The following RAB11B variants were observed in gnomAD, a reference collection of about 807,000 sequenced individuals.
RAB11B encodes ras-related protein Rab-11B.
RAB11B carries 7 observed loss-of-function variants against 23.7 expected under a neutral mutation model. The observed-to-expected ratio is 0.29, with a 90% CI of 0.17 to 0.55. RAB11B has a LOEUF of 0.55. Ranked by LOEUF, RAB11B falls within the 20% of genes least tolerant of loss-of-function variation. The pLI is 0.93. For synonymous variants in RAB11B, 138 were observed against 132.0 expected (o/e 1.05, Z -0.31); for missense variants, 189 against 320.0 (o/e 0.59, Z 3.12).
intron 1 of RAB11B, among the ~76,000 whole-genome samples, chr19:8,398,624 C>T (rs1193530228): frequency 6.6e-6 from 1 of 152,294 alleles, no homozygotes; most frequent in East Asian, 1.9e-4. Flanking sequence ...TGTGCCGAAG[C>T]TGGATGTGGG....
intron 1 of RAB11B, 144 bp from the exon 2 acceptor site, chr19:8,399,719 C>CAGGCACTGTGCTAAGTGGTGCAGAAGTGA: frequency 1.1e-6 from 1 of 880,042 alleles, no homozygotes; most frequent in Non-Finnish European, 1.8e-6. Flanking sequence ...ACAGTGCCTG[C>CAGGCACTGTGCTAAGTGGTGCAGAAGTGA]AGGCCCTGGG....
chr19:8,401,135 C>A (rs2145512396), intron 2 of RAB11B, among the ~76,000 whole-genome samples: 1 of 152,256 alleles, frequency 6.6e-6, no homozygotes, highest in South Asian at 2.1e-4. Flanking sequence ...GGCTGGAGTG[C>A]AGTGGCGCAG....
chr19:8,392,991 AT>A (rs34749882), intron 1 of RAB11B, among the ~76,000 whole-genome samples: 94,388 of 130,504 alleles, frequency 0.72, 33,942 homozygotes, highest in Non-Finnish European at 0.77. Flanking sequence ...TGGCCTCTGC[AT>A]TTTTTTTTTT....
rs141861102 is a variant in RAB11B, at chr19:8,396,663, G to GT, written c.41-3198dup. The stretch of plus-strand genomic sequence containing the variant: ...CCTGAGGCAGGATCGCACCTGGCGT[G>GT]TTGGGGGAACAGCATGGAGGCCTGT... On this transcript the variant is annotated intron_variant, in intron 1 of 4. Transcript: ENST00000328024. This position sits in a 1 kb window ranked among gnomAD's most constrained non-coding sequence, Gnocchi z 5.0. 8.7e-5 allele frequency among the ~76,000 whole-genome samples: 13 copies of GT among 149,362 alleles called. No individual in the cohort carries two copies. The East Asian group carries it at 2.6e-3, about 30-fold the overall frequency.
chr19:8,390,424 C>T lies in RAB11B; in HGVS notation c.8C>T (p.Thr3Ile). The change falls in exon 1 of 5, where the codon ACC becomes ATC. Residue 3 changes from threonine to isoleucine, a missense_variant. Around this residue, in one of 5 missense-constraint regions of RAB11B, gnomAD observed 20 missense variants for 16.2 expected, o/e 1.24. Coordinates refer to ENST00000328024, the MANE Select transcript of RAB11B (RefSeq NM_004218.4). MGTRDDEYDYLFK... is the reference protein window; with the variant it reads MGIRDDEYDYLFK... ...GCCGGAAGCGCCAGGACAATGGGGA[C>T]CCGGGACGACGAGTACGACTACCTA... 1 of 1,527,054 alleles carries T rather than the reference C, an allele frequency of 6.5e-7. No homozygotes were observed. Among genetic ancestry groups the T allele is most frequent in the Non-Finnish European group, 8.8e-7 (1 of 1,141,716 alleles). 94.6% of individuals were successfully genotyped at this position (1,527,054 alleles called of 1,614,324 possible).
chr19:8,392,452 C>T (rs945678363), intron 1 of RAB11B, among the ~76,000 whole-genome samples: 8 of 135,096 alleles, frequency 5.9e-5, no homozygotes, highest in South Asian at 2.7e-4. Context: ...GGCGGGCAGG[C>T]GGTGTGGGGT....
intron 1 of RAB11B, among the ~76,000 whole-genome samples, chr19:8,395,144 A>C (rs1480106487): frequency 6.6e-6 from 1 of 152,122 alleles, no homozygotes; most frequent in African/African-American, 2.4e-5. Flanking sequence ...TTGGTGGTGT[A>C]GATGGGGGCC....
At chr19:8,402,029 G>C in intron 2 of RAB11B, 57 bp from the exon 3 acceptor site, 1 of 1,491,310 alleles carries the variant, frequency 6.7e-7, no homozygotes, top group South Asian at 1.3e-5. Flanking sequence ...TATCCCGTGA[G>C]GCTGCCGCTG....
chr19:8,403,673 G>A lies in RAB11B; in HGVS notation c.*115G>A. ...CGGCTCGTTCCAGCCCTCCCAGTGA[G>A]CTCTGCACGGCCGGGCCGGGGCCCA... On this transcript the variant is annotated 3_prime_UTR_variant, in exon 5 of 5. Transcript: ENST00000328024. The A allele has an allele frequency of 7.1e-7, 1 of 1,413,358 alleles. No individual in the cohort carries two copies. The highest frequency in any genetic ancestry group is 9.5e-7 in the Non-Finnish European group (1 of 1,057,134). The allele number at this position is 1,413,358 out of a possible 1,614,324, so 87.6% of individuals were successfully genotyped here. A position where few individuals can be genotyped will look rare whatever the true frequency, so the allele number is the denominator to read the frequency against.
At chr19:8,401,853 A>C (rs1971440117) in intron 2 of RAB11B, among the ~76,000 whole-genome samples, 1 of 152,056 alleles carries the variant, frequency 6.6e-6, no homozygotes. Flanking sequence ...ACCTCACGGT[A>C]TCTTCTATTT....
In RAB11B at chr19:8,402,361, C is replaced by T. The variant is rs1307761967; in HGVS notation, c.430+82C>T. ...ACAGTGTTGGGGCCCTGGCCACAGC[C>T]CTGGCTTCCCTTCCCTGAGGAGTGG... On this transcript the variant is annotated intron_variant, in intron 3 of 4. Coordinates refer to ENST00000328024, the MANE Select transcript of RAB11B (RefSeq NM_004218.4). 5 of 1,527,766 alleles carry T rather than the reference C, an allele frequency of 3.3e-6. No homozygotes were observed. The African/African-American group carries it at 5.5e-5, about 17-fold the overall frequency. The allele number at this position is 1,527,766 out of a possible 1,614,324, so 94.6% of individuals were successfully genotyped here. A position where few individuals can be genotyped will look rare whatever the true frequency, so the allele number is the denominator to read the frequency against.
At position 8,402,137 on chromosome 19, in the gene RAB11B, C is replaced by T. The variant is rs1398791877; in HGVS notation, c.288C>T (p.His96=). The part of the protein sequence containing the change: ...GALLVYDIAK[H]LTYENVERWL... ...TGCTGGTGTACGACATCGCCAAGCA[C>T]CTGACCTATGAGAACGTGGAGCGCT... Residue 96 remains histidine, a synonymous_variant, in exon 3 of 5, where the codon CAC becomes CAT. Transcript: ENST00000328024. 1.9e-6 allele frequency: 3 copies of T among 1,609,220 alleles called. No individual in the cohort carries two copies. The highest frequency in any genetic ancestry group is 1.1e-5 in the South Asian group (1 of 89,996).
Position 8,390,460 on chromosome 19 carries a change from C to G in RAB11B, c.40+4C>G, listed in dbSNP as rs754480635. ...GAGTACGACTACCTATTCAAAGGTG[C>G]GGCCGGTGGGGCACAGACGGGCGAA... On this transcript the variant is annotated splice_donor_region_variant and intron_variant, in intron 1 of 4. Transcript: ENST00000328024. The G allele has an allele frequency of 2.1e-5, 32 of 1,505,814 alleles. No individual in the cohort carries two copies. The South Asian group carries it at 3.5e-4, about 16-fold the overall frequency. The allele number at this position is 1,505,814 out of a possible 1,614,324, so 93.3% of individuals were successfully genotyped here. A position where few individuals can be genotyped will look rare whatever the true frequency, so the allele number is the denominator to read the frequency against.
Position 8,402,474 on chromosome 19 carries a change from C to A in RAB11B, c.431-11C>A, listed in dbSNP as rs751962516. The A allele has an allele frequency of 3.7e-6, 6 of 1,611,500 alleles. No individual in the cohort carries two copies. Among genetic ancestry groups the A allele is most frequent in the Non-Finnish European group, 5.1e-6 (6 of 1,177,690 alleles). ...CCTCCCCACTCACCTAGGCAGTATT[C>A]TTTGTTCCAGAAAAGAACAACTTGT... On this transcript the variant is annotated splice_polypyrimidine_tract_variant and intron_variant, in intron 3 of 4. Coordinates refer to ENST00000328024, the MANE Select transcript of RAB11B (RefSeq NM_004218.4).
At position 8,403,621 on chromosome 19, in the gene RAB11B, G is replaced by A; in HGVS notation, c.*63G>A. 6.4e-7 allele frequency: 1 copy of A among 1,556,358 alleles called. No homozygotes were observed. Among genetic ancestry groups the A allele is most frequent in the East Asian group, 2.3e-5 (1 of 43,666 alleles). On this transcript the variant is annotated 3_prime_UTR_variant, in exon 5 of 5. Transcript: ENST00000328024. ...GCCCGCCCCCGCCACGGTATCCTCT[G>A]GCCCCTCCCTGCTGTCCCTCTGTGG...
Position 8,403,446 on chromosome 19 carries a change from C to T in RAB11B, c.545C>T (p.Ala182Val), listed in dbSNP as rs1166765790. The T allele has an allele frequency of 1.9e-6, 3 of 1,613,982 alleles. No homozygotes were observed. Among genetic ancestry groups the T allele is most frequent in the Non-Finnish European group, 2.5e-6 (3 of 1,179,908 alleles). ...IYRIVSQKQI[A>V]DRAAHDESPG... is the part of the protein sequence containing the mutation. Reference sequence around the variant, plus strand: ...CGCATCGTGTCACAGAAACAGATCGCAGACCGCGCTGCCCACGACGAGTCC... The same window carrying T: ...CGCATCGTGTCACAGAAACAGATCGTAGACCGCGCTGCCCACGACGAGTCC... Residue 182 changes from alanine (A) to valine (V), a missense_variant, in exon 5 of 5, where the codon GCA becomes GTA. Transcript: ENST00000328024.
intron 1 of RAB11B, 93 bp downstream of exon 1, chr19:8,390,549 C>T: frequency 2.4e-6 from 3 of 1,276,320 alleles, no homozygotes; most frequent in Admixed American, 4.2e-5. Context: ...GGGCCCAGGC[C>T]GGAGCCCGGG....
chr19:8,402,656 T>TGTTTTTTTCTTTTC (rs1971447975), intron 4 of RAB11B, 91 bp downstream of exon 4: 1 of 1,093,760 alleles, frequency 9.1e-7, no homozygotes. Context: ...TTCGTTTGCT[T>TGTTTTTTTCTTTTC]GTTTTTTTCT....
intron 2 of RAB11B, among the ~76,000 whole-genome samples, chr19:8,401,650 G>A (rs1201212007): frequency 6.6e-6 from 1 of 152,130 alleles, no homozygotes; most frequent in East Asian, 1.9e-4. Flanking sequence ...TTCCCAAAGT[G>A]CTGGGATTAC....
Sources: allele counts gnomAD v4.1 joint callset (sites outside exome capture counted in the v4.1 genomes callset), GRCh38; gene constraint gnomAD v4.1.1; regional missense constraint gnomAD v4.1.1; non-coding constraint Gnocchi (gnomAD v3.1); transcripts MANE v1.5; gene names NCBI Gene and HGNC (gene_info 2026-07-23, HGNC 2026-07-21).